SORCS2: variants seen among roughly 807,000 people sequenced by gnomAD.
The protein encoded by SORCS2 is VPS10 domain-containing receptor SorCS2.
A neutral mutation model predicts 141.6 loss-of-function variants in SORCS2; 100 were observed. The observed-to-expected ratio is 0.71, with a 90% confidence interval of 0.60 to 0.83. SORCS2 has a LOEUF of 0.83. SORCS2 is among the 40% of genes least tolerant of loss of function. SORCS2 has a pLI of 0.00. For missense variants in SORCS2, 1,646 were observed against 1,560.2 expected (o/e 1.05, Z -0.93); for synonymous variants, 789 against 676.9 (o/e 1.17, Z -2.57).
intron 1 of SORCS2, among the ~76,000 whole-genome samples, chr4:7,300,254 G>A (rs1329697369): frequency 6.6e-6 from 1 of 152,164 alleles, no homozygotes; most frequent in African/African-American, 2.4e-5. Context: ...GGTCTGGAGG[G>A]AGGAGTGAGG....
chr4:7,617,897 C>T (rs1296469634), intron 3 of SORCS2, among the ~76,000 whole-genome samples: 1 of 152,112 alleles, frequency 6.6e-6, no homozygotes, highest in Non-Finnish European at 1.5e-5. Flanking sequence ...GCCTCACCTT[C>T]CAGCTGGGGC....
chr4:7,235,517 G>A (rs898324950), intron 1 of SORCS2, among the ~76,000 whole-genome samples: 5 of 152,248 alleles, frequency 3.3e-5, no homozygotes, highest in African/African-American at 1.2e-4. Context: ...TTCTGCGACT[G>A]CAGAGAACAC....
intron 2 of SORCS2, chr4:7,430,835 G>A (rs1337675941): frequency 3.9e-5 from 6 of 152,410 alleles, no homozygotes; most frequent in Non-Finnish European, 8.8e-5. Flanking sequence ...GCCTGAACGC[G>A]GCGGCTATGG....
At chr4:7,580,091 C>T (rs912033504) in intron 3 of SORCS2, among the ~76,000 whole-genome samples, 3 of 152,210 alleles carry the variant, frequency 2.0e-5, no homozygotes, top group African/African-American at 7.2e-5. Context: ...GCTATGTAGG[C>T]AAAACCCAGG....
intron 2 of SORCS2, among the ~76,000 whole-genome samples, chr4:7,424,629 G>T (rs144448429): frequency 6.6e-6 from 1 of 152,256 alleles, no homozygotes; most frequent in South Asian, 2.1e-4. Flanking sequence ...CTCTGCTAAC[G>T]TGACGTGTGA....
At chr4:7,696,881 C>T (rs1577086252) in intron 11 of SORCS2, among the ~76,000 whole-genome samples, 1 of 152,244 alleles carries the variant, frequency 6.6e-6, no homozygotes, top group Admixed American at 6.5e-5. Context: ...CCCACGTCCT[C>T]TCCAGCCCAT....
At chr4:7,583,151 G>T (rs1025695370) in intron 3 of SORCS2, among the ~76,000 whole-genome samples, 2 of 152,154 alleles carry the variant, frequency 1.3e-5, no homozygotes, top group African/African-American at 4.8e-5. Context: ...GGAAGTGAGG[G>T]TTGCAAAAAG....
intron 1 of SORCS2, among the ~76,000 whole-genome samples, chr4:7,280,787 A>C (rs996211533): frequency 1.3e-5 from 2 of 152,228 alleles, no homozygotes; most frequent in African/African-American, 4.8e-5. Context: ...CGATGATTGT[A>C]GCAAGGGATG....
rs1055449825 is a variant in SORCS2, at chr4:7,249,871, A to T, written c.480+56745A>T. On this transcript the variant is annotated intron_variant, in intron 1 of 26. Transcript: ENST00000507866. ...GGATTTATCCACTCAGATTTGCTCT[A>T]TGTGGCCCCTGAGCAGGGCCCACGG... 7.9e-5 allele frequency among the ~76,000 whole-genome samples: 12 copies of T among 152,298 alleles called. No individual in the cohort carries two copies. The South Asian group carries it at 1.2e-3, about 16-fold the overall frequency.
At chr4:7,611,461 G>C (rs547789875) in intron 3 of SORCS2, among the ~76,000 whole-genome samples, 2 of 152,272 alleles carry the variant, frequency 1.3e-5, no homozygotes, top group South Asian at 4.1e-4. Flanking sequence ...CCAGCACGGT[G>C]CCCAGCCCAG....
Position 7,363,294 on chromosome 4 carries a change from A to T in SORCS2, c.481-32994A>T, listed in dbSNP as rs376081514. On this transcript the variant is annotated intron_variant, in intron 1 of 26. Coordinates refer to ENST00000507866, the MANE Select transcript of SORCS2 (RefSeq NM_020777.3). ...TACCATGATCATTATCATCATTACC[A>T]CCACTACCTTCACTGCCATCATTAC... Among the ~76,000 whole-genome samples, 132 of 151,332 alleles carry T rather than the reference A, an allele frequency of 8.7e-4. 1 individual carries two copies. The highest frequency in any genetic ancestry group is 3.0e-3 in the African/African-American group (124 of 41,182).
In SORCS2 at chr4:7,614,484, A is replaced by G. The variant is rs550505970; in HGVS notation, c.649-23844A>G. 1.0e-4 allele frequency among the ~76,000 whole-genome samples: 15 copies of G among 147,188 alleles called. No homozygotes were observed. The South Asian group carries it at 2.2e-3, about 21-fold the overall frequency. ...CCCATAATCCATAACCCATCCACGC[A>G]TCCACCATCCATTCATCCACCCACC... On this transcript the variant is annotated intron_variant, in intron 3 of 26. Transcript: ENST00000507866.
intron 1 of SORCS2, among the ~76,000 whole-genome samples, chr4:7,211,153 C>T (rs1027421728): frequency 2.1e-5 from 3 of 144,356 alleles, no homozygotes; most frequent in Admixed American, 6.9e-5. Flanking sequence ...GCAAAAATTT[C>T]GCTTAAACCT....
In SORCS2 at chr4:7,689,534, G is replaced by C; in HGVS notation, c.1537G>C (p.Val513Leu). 6.2e-7 allele frequency: 1 copy of C among 1,607,114 alleles called. No homozygotes were observed. The highest frequency in any genetic ancestry group is 8.5e-7 in the Non-Finnish European group (1 of 1,177,426). The change falls in exon 11 of 27, where the codon GTA (valine) becomes CTA (leucine). Residue 513 changes from valine to leucine, a missense_variant. Coordinates refer to ENST00000507866, the MANE Select transcript of SORCS2 (RefSeq NM_020777.3). ...LHLRWADNPYVSGTVHTKDTA... is the reference protein window; with the variant it reads ...LHLRWADNPYLSGTVHTKDTA... The stretch of plus-strand genomic sequence containing the variant: ...CCTGCGCTGGGCAGACAACCCCTAC[G>C]TATCAGGCACCGTGCACACCAAGGA...
intron 4 of SORCS2, among the ~76,000 whole-genome samples, chr4:7,652,000 C>A (rs1410160910): frequency 6.6e-6 from 1 of 152,212 alleles, no homozygotes. Context: ...CTGCTGTTTT[C>A]TCGGTTTCCA....
chr4:7,734,636 G>A (rs564581955), intron 25 of SORCS2, among the ~76,000 whole-genome samples: 11 of 152,260 alleles, frequency 7.2e-5, no homozygotes, highest in African/African-American at 2.6e-4. Flanking sequence ...GGACATCCCA[G>A]CCATCATGCT....
intron 26 of SORCS2, among the ~76,000 whole-genome samples, chr4:7,738,574 CT>C (rs1458464518): frequency 6.6e-6 from 1 of 152,170 alleles, no homozygotes; most frequent in Non-Finnish European, 1.5e-5. Context: ...TCTGCGGTAG[CT>C]TCTGGAGCAG....
In SORCS2 at chr4:7,725,669, G is replaced by A. The variant is rs181385181; in HGVS notation, c.2745+382G>A. 3.7e-3 allele frequency among the ~76,000 whole-genome samples: 558 copies of A among 152,330 alleles called. 10 individuals are homozygous for A. Among genetic ancestry groups the A allele is most frequent in the African/African-American group, 0.012 (519 of 41,574 alleles). On this transcript the variant is annotated intron_variant, in intron 20 of 26. Transcript: ENST00000507866. ...AGGCTTTACAGAAGAAGAGGTCAAGGGGGCTCAGAAGCCTCCCTCAGAGGC... is the reference window on the plus strand; with the variant it reads ...AGGCTTTACAGAAGAAGAGGTCAAGAGGGCTCAGAAGCCTCCCTCAGAGGC...
chr4:7,664,258 C>A lies in SORCS2; in HGVS notation c.953-95C>A. 1.1e-6 allele frequency: 1 copy of A among 943,362 alleles called. No homozygotes were observed. The allele number at this position is 943,362 out of a possible 1,614,324, so 58.4% of individuals were successfully genotyped here. A position where few individuals can be genotyped will look rare whatever the true frequency, so the allele number is the denominator to read the frequency against. ...TCAAGCCCATGAAGCCACACCACAG[C>A]GGTATTGGAGGAAGATGGAGTCCAG... On this transcript the variant is annotated intron_variant, in intron 6 of 26. Coordinates refer to ENST00000507866, the MANE Select transcript of SORCS2 (RefSeq NM_020777.3). This position sits in a 1 kb window ranked among gnomAD's most constrained non-coding sequence, Gnocchi z 4.7.
Sources: allele counts gnomAD v4.1 joint callset (sites outside exome capture counted in the v4.1 genomes callset), GRCh38; gene constraint gnomAD v4.1.1; non-coding constraint Gnocchi (gnomAD v3.1); transcripts MANE v1.5; gene names NCBI Gene and HGNC (gene_info 2026-07-23, HGNC 2026-07-21).